Variants in ACVR2A observed in about 807,000 individuals in gnomAD.
ACVR2A encodes the protein activin A receptor type 2A.
In ACVR2A, 7 loss-of-function variants were observed where a neutral mutation model predicts 61.4. That is an observed-to-expected ratio of 0.11 (90% CI 0.06 to 0.21). The LOEUF (loss-of-function observed/expected upper bound fraction) is 0.21, where lower values mean the gene tolerates loss of function less well. Among genes scored for constraint, ACVR2A ranks in the 10% least tolerant of loss-of-function variants. The pLI, the probability that ACVR2A is intolerant of heterozygous loss-of-function variation, is 1.00. For missense variants in ACVR2A, 322 were observed against 621.7 expected (o/e 0.52, Z 5.13); for synonymous variants, 193 against 208.3 (o/e 0.93, Z 0.63).
intron 1 of ACVR2A, among the ~76,000 whole-genome samples, chr2:147,868,696 A>C (rs1258695176): frequency 6.6e-6 from 1 of 151,844 alleles, no homozygotes; most frequent in Non-Finnish European, 1.5e-5. Context: ...CAGTGACGGG[A>C]ACATGGCTTA....
chr2:147,849,252 A>C (rs577152349), intron 1 of ACVR2A, among the ~76,000 whole-genome samples: 1 of 152,292 alleles, frequency 6.6e-6, no homozygotes, highest in African/African-American at 2.4e-5. Flanking sequence ...TTTCTTTGCC[A>C]TGATATGATC....
intron 1 of ACVR2A, among the ~76,000 whole-genome samples, chr2:147,867,945 C>T (rs1685907060): frequency 6.6e-6 from 1 of 152,160 alleles, no homozygotes. Context: ...TGTGGGACAC[C>T]TCTATCTCAC....
chr2:147,857,194 T>C (rs566965570), intron 1 of ACVR2A, among the ~76,000 whole-genome samples: 2 of 152,236 alleles, frequency 1.3e-5, no homozygotes, highest in East Asian at 3.9e-4. Context: ...TTTTGAATCA[T>C]TGAAGAGTAG....
At chr2:147,917,086 GA>G (rs1473923791) in intron 5 of ACVR2A, among the ~76,000 whole-genome samples, 196 bp from the exon 6 acceptor site, 3 of 151,922 alleles carry the variant, frequency 2.0e-5, no homozygotes, top group African/African-American at 4.8e-5. Flanking sequence ...TTGAGGGAAT[GA>G]AAAGGGCAGG....
intron 2 of ACVR2A, among the ~76,000 whole-genome samples, chr2:147,898,961 C>T (rs964491128): frequency 6.6e-6 from 1 of 152,050 alleles, no homozygotes; most frequent in Non-Finnish European, 1.5e-5. Flanking sequence ...TGAAATGTTT[C>T]ACCCATGAGA....
chr2:147,920,755 AAT>A (rs542250961), intron 8 of ACVR2A, among the ~76,000 whole-genome samples: 14 of 152,160 alleles, frequency 9.2e-5, no homozygotes, highest in Non-Finnish European at 1.9e-4. Context: ...TTTCCCATGC[AAT>A]AATAGTTTAT....
At chr2:147,924,694 C>A (rs904154779) in intron 9 of ACVR2A, among the ~76,000 whole-genome samples, 1 of 151,870 alleles carries the variant, frequency 6.6e-6, no homozygotes, top group Non-Finnish European at 1.5e-5. Context: ...GGTGCTTTCA[C>A]GTGTGTTGAT....
At chr2:147,916,779 T>C (rs1687258298) in intron 5 of ACVR2A, among the ~76,000 whole-genome samples, 1 of 152,020 alleles carries the variant, frequency 6.6e-6, no homozygotes, top group African/African-American at 2.4e-5. Flanking sequence ...TTGCATTGCA[T>C]ATCTTTGCCC....
At chr2:147,925,195 TCTAC>T (rs1280408958) in intron 9 of ACVR2A, among the ~76,000 whole-genome samples, 2 of 151,984 alleles carry the variant, frequency 1.3e-5, no homozygotes, top group Non-Finnish European at 2.9e-5. Context: ...CAATTCCAGC[TCTAC>T]CGTTTAACAG....
chr2:147,852,210 A>T (rs1319244009), intron 1 of ACVR2A, among the ~76,000 whole-genome samples: 1 of 152,080 alleles, frequency 6.6e-6, no homozygotes, highest in Non-Finnish European at 1.5e-5. Flanking sequence ...ACATTGCATT[A>T]TGACTTAGTT....
intron 1 of ACVR2A, among the ~76,000 whole-genome samples, chr2:147,846,643 G>A (rs950631271): frequency 2.0e-5 from 3 of 152,150 alleles, no homozygotes. Flanking sequence ...AAGGCAGGCT[G>A]ACAGTTCTTT....
intron 8 of ACVR2A, among the ~76,000 whole-genome samples, chr2:147,922,052 A>G (rs1456885763): frequency 6.6e-6 from 1 of 151,654 alleles, no homozygotes; most frequent in East Asian, 1.9e-4. Context: ...CTTGGATGGC[A>G]TACATTTACC....
intron 1 of ACVR2A, among the ~76,000 whole-genome samples, chr2:147,875,314 C>T (rs189139773): frequency 1.6e-4 from 24 of 151,946 alleles, no homozygotes; most frequent in Admixed American, 1.3e-3. Flanking sequence ...GCCACCCTAC[C>T]GTGAGTGTAC....
chr2:147,890,202 A>G (rs138987939), intron 1 of ACVR2A, among the ~76,000 whole-genome samples: 14 of 152,270 alleles, frequency 9.2e-5, no homozygotes, highest in African/African-American at 3.4e-4. Flanking sequence ...TGCATATACT[A>G]TATTCTGTAT....
chr2:147,906,199 T>A (rs1037382548), intron 4 of ACVR2A, among the ~76,000 whole-genome samples: 8 of 152,260 alleles, frequency 5.3e-5, no homozygotes, highest in African/African-American at 1.9e-4. Flanking sequence ...TTTTTTAAAT[T>A]AAGATAATAG....
intron 10 of ACVR2A, among the ~76,000 whole-genome samples, 160 bp from the exon 11 acceptor site, chr2:147,926,920 C>T (rs1383776376): frequency 6.6e-6 from 1 of 151,564 alleles, no homozygotes; most frequent in Admixed American, 6.6e-5. Flanking sequence ...TCTGTTTGTG[C>T]TTTTCTTTAT....
chr2:147,845,146 C>G lies in ACVR2A; in HGVS notation c.-7C>G. ...ACTTCCTCCGGATTCCCCGGCGCCTCGGGAAAATGGGAGCTGCTGCAAAGT... is the reference window on the plus strand; with the variant it reads ...ACTTCCTCCGGATTCCCCGGCGCCTGGGGAAAATGGGAGCTGCTGCAAAGT... On this transcript the variant is annotated 5_prime_UTR_variant, in exon 1 of 11. Coordinates refer to ENST00000241416, the MANE Select transcript of ACVR2A (RefSeq NM_001616.5). The G allele has an allele frequency of 6.2e-7, 1 of 1,613,178 alleles. No individual in the cohort carries two copies. Among genetic ancestry groups the G allele is most frequent in the Non-Finnish European group, 8.5e-7 (1 of 1,179,808 alleles).
At chr2:147,857,831 A>G (rs535877435) in intron 1 of ACVR2A, among the ~76,000 whole-genome samples, 1 of 151,684 alleles carries the variant, frequency 6.6e-6, no homozygotes, top group African/African-American at 2.4e-5. Context: ...TGCGACTTAA[A>G]AAAAAAATTA....
At chr2:147,846,087 G>C (rs1685306273) in intron 1 of ACVR2A, among the ~76,000 whole-genome samples, 2 of 152,056 alleles carry the variant, frequency 1.3e-5, no homozygotes, top group Admixed American at 1.3e-4. Flanking sequence ...TGCAACCAGT[G>C]GTTGGAAAAA....
Sources: gnomAD v4.1 joint callset for allele counts (sites outside exome capture counted in the v4.1 genomes callset) on GRCh38, gnomAD v4.1.1 for gene constraint, MANE v1.5 for transcripts, NCBI Gene and HGNC (gene_info 2026-07-23, HGNC 2026-07-21) for gene names.